RFC3: variants seen among roughly 807,000 people sequenced by gnomAD.
RFC3 encodes the protein replication factor C subunit 3, also known as A1 38 kDa subunit.
In RFC3, 41 loss-of-function variants were observed where a neutral mutation model predicts 45.1. The ratio of observed to expected loss-of-function variants is 0.91; its 90% CI spans 0.71 to 1.18. The LOEUF (loss-of-function observed/expected upper bound fraction) is 1.18, where lower values mean the gene tolerates loss of function less well. Ranked by LOEUF, RFC3 falls within the 50% of genes most tolerant of loss-of-function variation. RFC3 has a pLI of 0.00. For missense variants in RFC3, 423 were observed against 428.1 expected (o/e 0.99, Z 0.10); for synonymous variants, 149 against 144.0 (o/e 1.03, Z -0.25).
intron 8 of RFC3, among the ~76,000 whole-genome samples, chr13:33,842,874 A>G (rs2082209734): frequency 6.6e-6 from 1 of 152,172 alleles, no homozygotes; most frequent in African/African-American, 2.4e-5. Context: ...GTTTTATGCC[A>G]TTCTTTAAAA....
chr13:33,941,572 C>T (rs1242944060), intron 8 of RFC3, among the ~76,000 whole-genome samples: 2 of 152,116 alleles, frequency 1.3e-5, no homozygotes, highest in African/African-American at 4.8e-5. Context: ...TAAATATATA[C>T]TTTTATTGTC....
intron 3 of RFC3, among the ~76,000 whole-genome samples, chr13:33,825,260 G>T (rs1043203043): frequency 6.6e-6 from 1 of 152,262 alleles, no homozygotes; most frequent in Admixed American, 6.5e-5. Context: ...TTGACTTTGT[G>T]TCTTAAACTC....
chr13:33,834,298 G>GTGTGTATATA (rs1302839326), intron 7 of RFC3, among the ~76,000 whole-genome samples: 80 of 109,184 alleles, frequency 7.3e-4, no homozygotes, highest in African/African-American at 2.4e-3. Flanking sequence ...TGTACTGTGT[G>GTGTGTATATA]TATATATATA....
chr13:33,920,819 G>A (rs925909985), intron 8 of RFC3, among the ~76,000 whole-genome samples: 1 of 152,044 alleles, frequency 6.6e-6, no homozygotes, highest in Admixed American at 6.6e-5. Flanking sequence ...GGATCATGAA[G>A]TATTGGTAGC....
At chr13:33,913,642 A>G (rs760433749) in intron 8 of RFC3, among the ~76,000 whole-genome samples, 1 of 152,148 alleles carries the variant, frequency 6.6e-6, no homozygotes, top group Non-Finnish European at 1.5e-5. Context: ...CTAGTTAGAT[A>G]TAAAAACACC....
At position 33,928,522 on chromosome 13, in the gene RFC3, T is replaced by G. The variant is rs578141954; in HGVS notation, c.880-37565T>G. On this transcript the variant is annotated intron_variant, in intron 8 of 8. Transcript: ENST00000434425. ...CACGGGTATACACAAATTGGGCATG[T>G]TGAGGTGAGTTAAATATGCTGCTTG... is the stretch of plus-strand genomic sequence containing the variant. 3.3e-5 allele frequency among the ~76,000 whole-genome samples: 5 copies of G among 152,184 alleles called. No homozygotes were observed. In the East Asian group the frequency reaches 7.8e-4, roughly 24 times the overall value.
At chr13:33,864,769 A>G (rs1027411881) in intron 8 of RFC3, among the ~76,000 whole-genome samples, 1 of 151,906 alleles carries the variant, frequency 6.6e-6, no homozygotes, top group Non-Finnish European at 1.5e-5. Flanking sequence ...TAGATTTTAG[A>G]TACTTTATGG....
chr13:33,830,118 C>A, intron 5 of RFC3, 101 bp downstream of exon 5: 1 of 996,942 alleles, frequency 1.0e-6, no homozygotes, highest in Non-Finnish European at 1.5e-6. Flanking sequence ...AATTTAAGAA[C>A]ACCTACAGAC....
intron 8 of RFC3, among the ~76,000 whole-genome samples, chr13:33,894,117 C>T (rs1481964706): frequency 2.0e-5 from 3 of 152,066 alleles, no homozygotes; most frequent in Admixed American, 2.0e-4. Context: ...AGGAACAAAC[C>T]ACAGACCCTT....
chr13:33,903,910 T>C (rs2082656414), intron 8 of RFC3, among the ~76,000 whole-genome samples: 1 of 152,076 alleles, frequency 6.6e-6, no homozygotes, highest in Non-Finnish European at 1.5e-5. Flanking sequence ...TGTCCAAAAT[T>C]ATGCAAAGAA....
At chr13:33,937,188 A>G (rs1432609569) in intron 8 of RFC3, among the ~76,000 whole-genome samples, 1 of 152,122 alleles carries the variant, frequency 6.6e-6, no homozygotes, top group Non-Finnish European at 1.5e-5. Context: ...TACCTTTTCT[A>G]TGTTCAGATA....
At chr13:33,942,928 T>C (rs77803269) in intron 8 of RFC3, among the ~76,000 whole-genome samples, 2,330 of 152,264 alleles carry the variant, frequency 0.015, 69 homozygotes, top group African/African-American at 0.054. Flanking sequence ...TAAGGTGCCA[T>C]AAAGCAGAGC....
At chr13:33,921,157 T>C (rs1007584843) in intron 8 of RFC3, among the ~76,000 whole-genome samples, 1 of 152,184 alleles carries the variant, frequency 6.6e-6, no homozygotes, top group African/African-American at 2.4e-5. Flanking sequence ...CTATTTTCCC[T>C]GTGCTAGACT....
rs897007047 is a variant in RFC3 at position 33,851,203 on chromosome 13, A to G, written c.879+15986A>G. Among the ~76,000 whole-genome samples the G allele has an allele frequency of 2.0e-5, 3 of 152,194 alleles. No individual in the cohort carries two copies. The East Asian group carries it at 5.8e-4, about 29-fold the overall frequency. ...GATTTTTGAATTGTTCATGTCATCC[A>G]AGGGAAAATCTACTAATTTTTCTCT... On this transcript the variant is annotated intron_variant, in intron 8 of 8. Coordinates refer to the RFC3 transcript ENST00000434425.
At chr13:33,886,593 G>A (rs1198759099) in intron 8 of RFC3, among the ~76,000 whole-genome samples, 7 of 149,904 alleles carry the variant, frequency 4.7e-5, no homozygotes, top group African/African-American at 1.7e-4. Context: ...ACTTTCTGTA[G>A]TATCCTGTTT....
chr13:33,973,674 A>G, the RFC3 span, among the ~76,000 whole-genome samples: 454 of 137,212 alleles, frequency 3.3e-3, 1 homozygote, highest in Admixed American at 4.9e-3. Flanking sequence ...TTTTTTTGAC[A>G]GAGTCTCACT....
At chr13:33,833,137 G>T (rs1412174812) in intron 7 of RFC3, among the ~76,000 whole-genome samples, 1 of 152,086 alleles carries the variant, frequency 6.6e-6, no homozygotes, top group Non-Finnish European at 1.5e-5. Context: ...TGGAAGTCTG[G>T]TATCTTTCTG....
At chr13:33,818,892 T>G (rs1159422573) in intron 1 of RFC3, among the ~76,000 whole-genome samples, 12 of 145,970 alleles carry the variant, frequency 8.2e-5, no homozygotes, top group African/African-American at 2.5e-4. Context: ...TTTTTTTTTT[T>G]TTTTTTTTTT....
chr13:33,961,181 A>G (rs1362395298), intron 8 of RFC3, among the ~76,000 whole-genome samples: 1 of 152,068 alleles, frequency 6.6e-6, no homozygotes, highest in African/African-American at 2.4e-5. Context: ...CGCCTATTAC[A>G]CACATGGTCT....
Sources: allele counts gnomAD v4.1 joint callset (sites outside exome capture counted in the v4.1 genomes callset), GRCh38; gene constraint gnomAD v4.1.1; transcripts MANE v1.5; gene names NCBI Gene and HGNC (gene_info 2026-07-23, HGNC 2026-07-21).